The following CAP2 variants were observed in gnomAD, a reference collection of about 807,000 sequenced individuals.
CAP2 encodes the protein adenylyl cyclase-associated protein 2.
Under a neutral mutation model 57.7 loss-of-function variants are expected in CAP2, and 24 were observed. The ratio of observed to expected loss-of-function variants is 0.42; its 90% CI spans 0.30 to 0.58. CAP2 has a LOEUF of 0.58. CAP2 is among the 20% of genes least tolerant of loss of function. CAP2 has a pLI of 0.22. For synonymous variants in CAP2, 194 were observed against 207.2 expected (o/e 0.94, Z 0.55); for missense variants, 501 against 590.3 (o/e 0.85, Z 1.57).
chr6:17,449,996 A>G (rs181484102), intron 3 of CAP2, among the ~76,000 whole-genome samples: 32 of 152,320 alleles, frequency 2.1e-4, no homozygotes, highest in African/African-American at 7.2e-4. Context: ...AAGCAGGAAA[A>G]TAAAAACAAC....
At chr6:17,410,355 C>T (rs1488600585) in intron 1 of CAP2, among the ~76,000 whole-genome samples, 4 of 152,088 alleles carry the variant, frequency 2.6e-5, no homozygotes, top group Non-Finnish European at 5.9e-5. Flanking sequence ...AGAGTGGGGC[C>T]CAGGAGCCTG....
chr6:17,538,299 AT>A (rs1163393754), intron 7 of CAP2, among the ~76,000 whole-genome samples: 13 of 151,830 alleles, frequency 8.6e-5, no homozygotes, highest in Admixed American at 7.9e-4. Context: ...AAAAAAAAAA[AT>A]TAAAAATTAG....
rs568041782 is a variant in CAP2 at position 17,428,130 on chromosome 6, T to C, written c.222+1440T>C. On this transcript the variant is annotated intron_variant, in intron 3 of 12. Coordinates refer to ENST00000229922, the MANE Select transcript of CAP2 (RefSeq NM_006366.3). ...AAAATGGTTAAGATGGTAAATTTTA[T>C]GTTAAGTATATCTTACTATAATTTT... Among the ~76,000 whole-genome samples the C allele has an allele frequency of 4.6e-5, 7 of 152,352 alleles. No individual in the cohort carries two copies. The South Asian group carries it at 1.4e-3, about 32-fold the overall frequency.
At chr6:17,458,234 A>G (rs9477437) in intron 3 of CAP2, among the ~76,000 whole-genome samples, 20,497 of 152,170 alleles carry the variant, frequency 0.13, 4,466 homozygotes, top group African/African-American at 0.46. Context: ...ATGAATATTC[A>G]AAATTTGAGA....
At chr6:17,523,533 G>C (rs1762436814) in intron 7 of CAP2, among the ~76,000 whole-genome samples, 1 of 152,220 alleles carries the variant, frequency 6.6e-6, no homozygotes, top group African/African-American at 2.4e-5. Flanking sequence ...TTAAAAAAGA[G>C]AGAGTGAGAT....
chr6:17,544,458 A>G (rs1377133506), intron 11 of CAP2, among the ~76,000 whole-genome samples: 1 of 152,198 alleles, frequency 6.6e-6, no homozygotes, highest in African/African-American at 2.4e-5. Context: ...ATTAAAATAT[A>G]TAATAATTTT....
chr6:17,541,308 A>G (rs1762894493), intron 9 of CAP2, among the ~76,000 whole-genome samples, 160 bp downstream of exon 9: 1 of 152,094 alleles, frequency 6.6e-6, no homozygotes, highest in Non-Finnish European at 1.5e-5. Context: ...ATTTTGTTAC[A>G]TGCGTAGAAT....
intron 3 of CAP2, among the ~76,000 whole-genome samples, chr6:17,442,281 T>C (rs939448434): frequency 6.6e-6 from 1 of 152,180 alleles, no homozygotes; most frequent in Non-Finnish European, 1.5e-5. Context: ...AGTGTGCAGC[T>C]GTGGATGGGG....
intron 3 of CAP2, among the ~76,000 whole-genome samples, chr6:17,439,225 G>A (rs1383911458): frequency 6.7e-6 from 1 of 149,100 alleles, no homozygotes; most frequent in African/African-American, 2.5e-5. Context: ...AGTTTATCTT[G>A]GTGAATGACG....
intron 7 of CAP2, among the ~76,000 whole-genome samples, chr6:17,532,432 C>T (rs111306648): frequency 0.027 from 4,055 of 150,052 alleles, 67 homozygotes; most frequent in South Asian, 0.04. Context: ...TGAGCCACCG[C>T]GCCCAGCTGG....
chr6:17,444,073 T>C (rs968487488), intron 3 of CAP2, among the ~76,000 whole-genome samples: 12 of 152,240 alleles, frequency 7.9e-5, no homozygotes, highest in African/African-American at 2.7e-4. Flanking sequence ...AACAAATTCA[T>C]ATACAGGTAA....
At chr6:17,468,896 A>G (rs1760943437) in intron 4 of CAP2, among the ~76,000 whole-genome samples, 1 of 152,222 alleles carries the variant, frequency 6.6e-6, no homozygotes, top group African/African-American at 2.4e-5. Context: ...CCATTCCTTT[A>G]TTCACTGTCC....
intron 7 of CAP2, among the ~76,000 whole-genome samples, chr6:17,525,720 G>A (rs1762486638): frequency 6.6e-6 from 1 of 152,180 alleles, no homozygotes; most frequent in African/African-American, 2.4e-5. Context: ...TCCTAAGAGA[G>A]TTCCAAAAAC....
intron 3 of CAP2, among the ~76,000 whole-genome samples, chr6:17,431,404 C>T (rs1046264490): frequency 2.6e-5 from 4 of 151,996 alleles, no homozygotes; most frequent in Non-Finnish European, 5.9e-5. Context: ...TTCAACTAAA[C>T]GTAACACACA....
chr6:17,426,095 AAAAC>A (rs896238301), intron 2 of CAP2, among the ~76,000 whole-genome samples: 24 of 152,078 alleles, frequency 1.6e-4, no homozygotes, highest in African/African-American at 4.3e-4. Flanking sequence ...CCTGTCTCAA[AAAAC>A]AAACAAACAA....
At position 17,483,906 on chromosome 6, in the gene CAP2, C is replaced by G. The variant is rs73721591; in HGVS notation, c.300+20833C>G. On this transcript the variant is annotated intron_variant, in intron 4 of 12. Transcript: ENST00000229922. ...CCTGAAAAAACCCAGAGGAGCTTGC[C>G]CTGGATAGAGCCCCATAGGTTCTCT... 7.0e-3 allele frequency among the ~76,000 whole-genome samples: 1,071 copies of G among 151,960 alleles called. 12 individuals carry two copies. The highest frequency in any genetic ancestry group is 0.025 in the African/African-American group (1,025 of 41,432).
At chr6:17,521,113 G>T (rs974986162) in intron 7 of CAP2, among the ~76,000 whole-genome samples, 1 of 152,180 alleles carries the variant, frequency 6.6e-6, no homozygotes, top group Non-Finnish European at 1.5e-5. Flanking sequence ...GCTCAACAGG[G>T]GTTAGAAGTG....
At chr6:17,501,439 A>G (rs1029951414) in intron 4 of CAP2, among the ~76,000 whole-genome samples, 7 of 152,170 alleles carry the variant, frequency 4.6e-5, no homozygotes, top group African/African-American at 1.4e-4. Context: ...TTTCACGAAG[A>G]GCATATATTG....
intron 4 of CAP2, among the ~76,000 whole-genome samples, chr6:17,464,687 G>A (rs1214651661): frequency 3.3e-5 from 5 of 152,172 alleles, no homozygotes; most frequent in African/African-American, 1.2e-4. Context: ...CTCCCTCCAC[G>A]TGAAAGGAGT....
Sources: gnomAD v4.1 joint callset for allele counts (sites outside exome capture counted in the v4.1 genomes callset) on GRCh38, gnomAD v4.1.1 for gene constraint, MANE v1.5 for transcripts, NCBI Gene and HGNC (gene_info 2026-07-23, HGNC 2026-07-21) for gene names.